Variants in ALOX5 observed in about 807,000 individuals in gnomAD.
ALOX5 encodes the protein arachidonate 5-lipoxygenase, also known as polyunsaturated fatty acid 5-lipoxygenase.
A neutral mutation model predicts 87.9 loss-of-function variants in ALOX5; 64 were observed. The ratio of observed to expected loss-of-function variants is 0.73; its 90% CI spans 0.60 to 0.90. The LOEUF (loss-of-function observed/expected upper bound fraction) is 0.90, where lower values mean the gene tolerates loss of function less well. Among genes scored for constraint, ALOX5 ranks in the 40% least tolerant of loss-of-function variants. The pLI, the probability that ALOX5 is intolerant of heterozygous loss-of-function variation, is 0.00. For missense variants in ALOX5, 822 were observed against 907.5 expected, an observed-to-expected ratio of 0.91 and a Z score of 1.21; for synonymous variants, 388 against 355.1, an observed-to-expected ratio of 1.09 and a Z score of -1.04.
chr10:45,390,065 A>C (rs1330749662), intron 2 of ALOX5, among the ~76,000 whole-genome samples: 5 of 152,236 alleles, frequency 3.3e-5, no homozygotes, highest in Non-Finnish European at 7.3e-5. Context: ...AACAGACTTT[A>C]AACCAACAAA....
At chr10:45,431,234 C>T (rs192794192) in intron 7 of ALOX5, among the ~76,000 whole-genome samples, 4 of 152,222 alleles carry the variant, frequency 2.6e-5, no homozygotes, top group Non-Finnish European at 2.9e-5. Context: ...AGGTGCAACT[C>T]TAATGCCATT....
intron 4 of ALOX5, among the ~76,000 whole-genome samples, chr10:45,413,665 A>G (rs1296371995): frequency 2.0e-5 from 3 of 152,242 alleles, no homozygotes; most frequent in African/African-American, 7.2e-5. Flanking sequence ...CCCTGTTTGT[A>G]GATGACATGA....
At chr10:45,418,452 G>T (rs1357996766) in intron 4 of ALOX5, among the ~76,000 whole-genome samples, 4 of 152,164 alleles carry the variant, frequency 2.6e-5, no homozygotes, top group Non-Finnish European at 4.4e-5. Context: ...GACAGCCTTT[G>T]TCTTCTCCAT....
intron 2 of ALOX5, among the ~76,000 whole-genome samples, chr10:45,392,011 G>A (rs1031002955): frequency 2.6e-4 from 40 of 151,142 alleles, no homozygotes; most frequent in South Asian, 1.9e-3. Flanking sequence ...CCCCCCGCCC[G>A]GCCAGCCGCC....
In ALOX5 at chr10:45,382,334, T is replaced by A. The variant is rs971683022; in HGVS notation, c.151-149T>A. 2.3e-5 allele frequency: 17 copies of A among 733,790 alleles called. No individual in the cohort carries two copies. In the South Asian group the frequency reaches 2.9e-4, roughly 12 times the overall value. 45.5% of individuals were successfully genotyped at this position (733,790 alleles called of 1,614,324 possible). The stretch of plus-strand genomic sequence containing the variant: ...CTAAGAAACAGCACGAATGTCAGAG[T>A]ATCTTGCACCTGCTGTTTTTTTAAG... On this transcript the variant is annotated intron_variant, in intron 1 of 13. Transcript: ENST00000374391.
chr10:45,425,490 T>A lies in ALOX5; in HGVS notation c.834+358T>A, dbSNP rs1269657230. Among the ~76,000 whole-genome samples the A allele has an allele frequency of 1.3e-5, 2 of 152,154 alleles. No homozygotes were observed. Among genetic ancestry groups the A allele is most frequent in the African/African-American group, 2.4e-5 (1 of 41,444 alleles). ...GCTTTACACACAAGGTCATCAGTTG[T>A]CACCCACCTTGCAAAGGGGAGAACA... On this transcript the variant is annotated intron_variant, in intron 6 of 13. Transcript: ENST00000374391. This position sits in a 1 kb window ranked among gnomAD's most constrained non-coding sequence, Gnocchi z 4.4.
At chr10:45,379,134 G>A (rs1254304441) in intron 1 of ALOX5, among the ~76,000 whole-genome samples, 2 of 152,086 alleles carry the variant, frequency 1.3e-5, no homozygotes, top group Non-Finnish European at 2.9e-5. Flanking sequence ...CCTCCCTGTG[G>A]GACCTGCCCA....
At chr10:45,376,324 A>AGGGGTGGGGCGGGGGGTGGTTG (rs1839610575) in intron 1 of ALOX5, among the ~76,000 whole-genome samples, 1 of 1,682 alleles carries the variant, frequency 5.9e-4, no homozygotes, top group Non-Finnish European at 1.2e-3. Context: ...GCTATAAGTC[A>AGGGGTGGGGCGGGGGGTGGTTG]GGGGTGGGGC....
intron 1 of ALOX5, among the ~76,000 whole-genome samples, chr10:45,381,196 C>A (rs956326632): frequency 6.6e-6 from 1 of 152,190 alleles, no homozygotes; most frequent in African/African-American, 2.4e-5. Context: ...CTGTACACAG[C>A]CTGGGGTGGT....
chr10:45,406,547 C>T (rs944117513), intron 3 of ALOX5, among the ~76,000 whole-genome samples: 1 of 152,226 alleles, frequency 6.6e-6, no homozygotes, highest in African/African-American at 2.4e-5. Flanking sequence ...CCTGTGTCAA[C>T]GTACTTCCAT....
Position 45,424,088 on chromosome 10 carries a change from C to G in ALOX5, c.602C>G (p.Ser201Cys), listed in dbSNP as rs748345682. 25 of 1,614,086 alleles carry G rather than the reference C, an allele frequency of 1.5e-5. No homozygotes were observed. The highest frequency in any genetic ancestry group is 2.0e-5 in the Non-Finnish European group (24 of 1,180,046). The change falls in exon 5 of 14, where the codon TCT becomes TGT. Residue 201 changes from serine to cysteine, a missense_variant. Transcript: ENST00000374391. ...CGCTTCATGCACATGTTCCAGTCTT[C>G]TTGGAATGACTTCGCCGACTTTGAG... ...INRFMHMFQS[S>C]WNDFADFEKI...
Position 45,390,147 on chromosome 10 carries a change from G to A in ALOX5, c.350-5708G>A, listed in dbSNP as rs575662890. ...ATTCAACAAGAAGAGCTAACTATCC[G>A]AAACGTATATGCACCCAATACAGGA... On this transcript the variant is annotated intron_variant, in intron 2 of 13. Transcript: ENST00000374391. 5.9e-4 allele frequency among the ~76,000 whole-genome samples: 90 copies of A among 152,266 alleles called. 1 individual carries two copies. The Middle Eastern group carries it at 0.024, about 40-fold the overall frequency.
At chr10:45,438,534 C>T (rs1365609244) in intron 7 of ALOX5, among the ~76,000 whole-genome samples, 3 of 108,912 alleles carry the variant, frequency 2.8e-5, no homozygotes, top group African/African-American at 8.6e-5. Context: ...GTCAGTGTCC[C>T]AGAGCCATCA....
rs550755015 is a variant in ALOX5 at position 45,440,714 on chromosome 10, G to C, written c.1185+81G>C. 5 of 1,459,786 alleles carry C rather than the reference G, an allele frequency of 3.4e-6. No homozygotes were observed. The Admixed American group carries it at 5.8e-5, about 17-fold the overall frequency. 90.4% of individuals were successfully genotyped at this position (1,459,786 alleles called of 1,614,324 possible). On this transcript the variant is annotated intron_variant, in intron 8 of 13. Transcript: ENST00000374391. ...GAGGGATCACTGACATCCCACAGGG[G>C]GACCTGTGGCTGGGAGTGGGTGGCA... is the stretch of plus-strand genomic sequence containing the variant.
chr10:45,442,967 T>C, intron 9 of ALOX5, 71 bp from the exon 10 acceptor site: 2 of 1,506,948 alleles, frequency 1.3e-6, no homozygotes, highest in South Asian at 1.3e-5. Context: ...CCCTGGCACA[T>C]TTCCTCAGGG....
chr10:45,432,538 T>C (rs1323224043), intron 7 of ALOX5, among the ~76,000 whole-genome samples: 1 of 152,094 alleles, frequency 6.6e-6, no homozygotes. Context: ...AATGGAGGTT[T>C]TTCAACTCAG....
chr10:45,416,879 TG>T (rs1331625874), intron 4 of ALOX5, among the ~76,000 whole-genome samples: 1 of 151,444 alleles, frequency 6.6e-6, no homozygotes, highest in Non-Finnish European at 1.5e-5. Flanking sequence ...GATGGATTGA[TG>T]GGTGGATGGT....
chr10:45,409,340 G>A (rs981675158), intron 3 of ALOX5, among the ~76,000 whole-genome samples: 1 of 152,120 alleles, frequency 6.6e-6, no homozygotes, highest in Non-Finnish European at 1.5e-5. Context: ...AATTTAATTT[G>A]TCTAAAGCTT....
chr10:45,408,448 C>G (rs1178719500), intron 3 of ALOX5, among the ~76,000 whole-genome samples: 2 of 152,122 alleles, frequency 1.3e-5, no homozygotes, highest in Non-Finnish European at 2.9e-5. Flanking sequence ...GAATTATTAT[C>G]TAAAAACTTG....
Sources: gnomAD v4.1 joint callset for allele counts (sites outside exome capture counted in the v4.1 genomes callset) on GRCh38, gnomAD v4.1.1 for gene constraint, Gnocchi (gnomAD v3.1) non-coding constraint, MANE v1.5 for transcripts, NCBI Gene and HGNC (gene_info 2026-07-23, HGNC 2026-07-21) for gene names.